CELF2: variants seen among roughly 807,000 people sequenced by gnomAD.
CELF2 encodes CUG triplet repeat RNA-binding protein 2.
In CELF2, 8 loss-of-function variants were observed where a neutral mutation model predicts 62.6. That is an observed-to-expected ratio of 0.13 (90% CI 0.07 to 0.23). The LOEUF is 0.23. CELF2 is among the 10% of genes least tolerant of loss of function. CELF2 has a pLI of 1.00. For missense variants in CELF2, 333 were observed against 671.0 expected (o/e 0.50, Z 5.56); for synonymous variants, 258 against 250.0 (o/e 1.03, Z -0.30).
In CELF2 at chr10:11,194,689, A is replaced by G. The variant is rs144250766; in HGVS notation, c.272-22736A>G. ...CAGTGACATGTTAATATATTCGGCT[A>G]TTTTACTGTGAATATAATGGTAAAT... On this transcript the variant is annotated intron_variant, in intron 2 of 12. Transcript: ENST00000633077. Among the ~76,000 whole-genome samples, 285 of 152,316 alleles carry G rather than the reference A, an allele frequency of 1.9e-3. 1 individual carries two copies. Among genetic ancestry groups the G allele is most frequent in the African/African-American group, 6.4e-3 (267 of 41,568 alleles).
At chr10:10,537,297 A>G in the CELF2 span, among the ~76,000 whole-genome samples, 1 of 152,216 alleles carries the variant, frequency 6.6e-6, no homozygotes, top group African/African-American at 2.4e-5. Context: ...GCTGACAGTC[A>G]GTAGCTTTAT....
the CELF2 span, among the ~76,000 whole-genome samples, chr10:10,497,901 G>C: frequency 6.6e-6 from 1 of 152,190 alleles, no homozygotes; most frequent in Non-Finnish European, 1.5e-5. Flanking sequence ...TGGATTTTCT[G>C]TTGAGAATAA....
chr10:11,160,906 C>T (rs1202889086), intron 1 of CELF2, among the ~76,000 whole-genome samples: 1 of 152,064 alleles, frequency 6.6e-6, no homozygotes, highest in Non-Finnish European at 1.5e-5. Flanking sequence ...AGAAAGTTGC[C>T]CACAGAACAA....
At chr10:11,003,924 T>C (rs527765151), upstream of CELF2, among the ~76,000 whole-genome samples, 2 of 152,328 alleles carry the variant, frequency 1.3e-5, no homozygotes, top group Admixed American at 6.5e-5. The surrounding 1 kb of genome is among the most constrained non-coding windows in gnomAD (Gnocchi z 4.4). Context: ...TCACGCCTTC[T>C]TGTTGCCCTC....
chr10:11,299,122 C>T (rs1041068370), intron 9 of CELF2, among the ~76,000 whole-genome samples: 12 of 152,248 alleles, frequency 7.9e-5, no homozygotes, highest in Admixed American at 5.9e-4. Flanking sequence ...ATATCCCCTC[C>T]TTACCAAATA....
intron 1 of CELF2, among the ~76,000 whole-genome samples, chr10:11,103,237 A>G (rs1170530185): frequency 6.6e-6 from 1 of 152,080 alleles, no homozygotes; most frequent in Non-Finnish European, 1.5e-5. Flanking sequence ...CCATGCTTAC[A>G]TCTTTCAAGA....
the CELF2 span, among the ~76,000 whole-genome samples, chr10:10,779,585 C>T: frequency 1.3e-5 from 2 of 152,156 alleles, no homozygotes; most frequent in Non-Finnish European, 2.9e-5. Context: ...TTAGCCCTAG[C>T]TGTGATGACC....
chr10:10,678,575 C>G, the CELF2 span, among the ~76,000 whole-genome samples: 1 of 152,150 alleles, frequency 6.6e-6, no homozygotes, highest in Non-Finnish European at 1.5e-5. Flanking sequence ...GTGCACGACC[C>G]AAGGCCCCAC....
chr10:11,199,935 C>T (rs902255774), intron 2 of CELF2, among the ~76,000 whole-genome samples: 26 of 152,172 alleles, frequency 1.7e-4, no homozygotes, highest in Non-Finnish European at 2.8e-4. Context: ...GAGCAGTTAA[C>T]ACCCAGATAT....
intron 1 of CELF2, among the ~76,000 whole-genome samples, chr10:10,837,213 C>G (rs1231937329): frequency 6.6e-6 from 1 of 152,158 alleles, no homozygotes; most frequent in Non-Finnish European, 1.5e-5. Flanking sequence ...GGTGTGGTTT[C>G]CTCCATATTG....
At chr10:11,322,401 T>G (rs148683702) in intron 11 of CELF2, among the ~76,000 whole-genome samples, 1 of 152,326 alleles carries the variant, frequency 6.6e-6, no homozygotes, top group African/African-American at 2.4e-5. Context: ...GGTTCATGAG[T>G]AAGACCAAAT....
chr10:10,956,425 G>C (rs900040204), intron 2 of CELF2, among the ~76,000 whole-genome samples: 1 of 152,134 alleles, frequency 6.6e-6, no homozygotes, highest in African/African-American at 2.4e-5. Flanking sequence ...TTTTATCCTG[G>C]GTGGAGGCCA....
the CELF2 span, among the ~76,000 whole-genome samples, chr10:10,743,070 G>A: frequency 2.6e-5 from 4 of 152,154 alleles, no homozygotes; most frequent in Admixed American, 1.3e-4. Flanking sequence ...CCCAGTTGAG[G>A]CTAAATGATG....
chr10:10,727,553 G>A, the CELF2 span, among the ~76,000 whole-genome samples: 1 of 152,064 alleles, frequency 6.6e-6, no homozygotes, highest in Non-Finnish European at 1.5e-5. Context: ...GAGGCGGGTG[G>A]ATCATGAGGT....
At chr10:10,496,728 G>A in the CELF2 span, among the ~76,000 whole-genome samples, 1 of 152,136 alleles carries the variant, frequency 6.6e-6, no homozygotes, top group Non-Finnish European at 1.5e-5. Context: ...AATATACACT[G>A]TACCCTTGTA....
the CELF2 span, among the ~76,000 whole-genome samples, chr10:10,783,486 C>T: frequency 1.2e-4 from 18 of 152,266 alleles, no homozygotes; most frequent in East Asian, 5.8e-4. Flanking sequence ...CTGCCAGTAC[C>T]GACACCATGA....
At chr10:11,262,940 C>CTTTTGTTTTTTTTTTTTTTTTTTTT (rs2081120617) in intron 5 of CELF2, among the ~76,000 whole-genome samples, 3 of 52,766 alleles carry the variant, frequency 5.7e-5, no homozygotes, top group Non-Finnish European at 6.6e-5. Flanking sequence ...AGTGGCTTTA[C>CTTTTGTTTTTTTTTTTTTTTTTTTT]TTTTTTTTTT....
intron 1 of CELF2, among the ~76,000 whole-genome samples, chr10:11,164,594 C>A (rs1030502915): frequency 4.6e-5 from 7 of 151,344 alleles, no homozygotes; most frequent in African/African-American, 1.5e-4. Flanking sequence ...ATACAGAGAA[C>A]AATTTATGGA....
chr10:10,521,917 C>G, the CELF2 span, among the ~76,000 whole-genome samples: 1 of 152,212 alleles, frequency 6.6e-6, no homozygotes, highest in Non-Finnish European at 1.5e-5. Context: ...CCTTCTCTAA[C>G]TACCAGATAA....
Sources: allele counts gnomAD v4.1 joint callset (sites outside exome capture counted in the v4.1 genomes callset), GRCh38; gene constraint gnomAD v4.1.1; non-coding constraint Gnocchi (gnomAD v3.1); transcripts MANE v1.5; gene names NCBI Gene and HGNC (gene_info 2026-07-23, HGNC 2026-07-21).